The following CMSS1 variants were observed in gnomAD, a reference collection of about 807,000 sequenced individuals.
CMSS1 encodes cms1 ribosomal small subunit homolog.
A neutral mutation model predicts 43.5 loss-of-function variants in CMSS1; 33 were observed. The ratio of observed to expected loss-of-function variants is 0.76; its 90% CI spans 0.57 to 1.01. The LOEUF is 1.01. CMSS1 is among the 50% of genes least tolerant of loss of function. CMSS1 has a pLI of 0.00. For missense variants in CMSS1, 313 were observed against 326.4 expected (o/e 0.96, Z 0.32); for synonymous variants, 115 against 117.2 (o/e 0.98, Z 0.12).
In CMSS1 at chr3:100,178,616, G is replaced by A. The variant is rs764271933; in HGVS notation, c.*228G>A. 115 of 399,990 alleles carry A rather than the reference G, an allele frequency of 2.9e-4. No individual in the cohort carries two copies. The highest frequency in any genetic ancestry group is 4.1e-4 in the Non-Finnish European group (91 of 221,254). The allele number at this position is 399,990 out of a possible 1,614,324, so 24.8% of individuals were successfully genotyped here. A position where few individuals can be genotyped will look rare whatever the true frequency, so the allele number is the denominator to read the frequency against. The stretch of plus-strand genomic sequence containing the variant: ...GGCTTGTGTATGATCCTTGTTGAGC[G>A]GACCGTGTTTTTCTGTCACCAACTG... On this transcript the variant is annotated 3_prime_UTR_variant, in exon 10 of 10. Coordinates refer to ENST00000421999, the MANE Select transcript of CMSS1 (RefSeq NM_032359.4).
chr3:100,130,446 G>A (rs1043071711), intron 1 of CMSS1, among the ~76,000 whole-genome samples: 2 of 152,152 alleles, frequency 1.3e-5, no homozygotes, highest in South Asian at 2.1e-4. Context: ...CCATCTCATT[G>A]AGTGTTTTAG....
At chr3:99,932,192 C>T (rs910580421) in intron 1 of CMSS1, among the ~76,000 whole-genome samples, 1 of 152,166 alleles carries the variant, frequency 6.6e-6, no homozygotes, top group East Asian at 1.9e-4. Context: ...TCCCTTCCCA[C>T]TCCAGAAGTA....
intron 1 of CMSS1, among the ~76,000 whole-genome samples, chr3:99,903,502 G>T (rs181682802): frequency 6.6e-6 from 1 of 151,908 alleles, no homozygotes; most frequent in South Asian, 2.1e-4. Context: ...CACCTGCCTC[G>T]GCCTCCCAAA....
intron 1 of CMSS1, among the ~76,000 whole-genome samples, chr3:99,892,125 A>C (rs1706102143): frequency 6.6e-6 from 1 of 152,218 alleles, no homozygotes. Context: ...ATATCACTGG[A>C]GTCTCATTCC....
At chr3:100,067,008 A>C (rs936178909) in intron 1 of CMSS1, among the ~76,000 whole-genome samples, 2 of 152,184 alleles carry the variant, frequency 1.3e-5, no homozygotes, top group African/African-American at 4.8e-5. Flanking sequence ...ATATTGAGTG[A>C]GATTCCTCAG....
At chr3:99,918,557 C>G (rs1375085494) in intron 1 of CMSS1, among the ~76,000 whole-genome samples, 1 of 152,164 alleles carries the variant, frequency 6.6e-6, no homozygotes, top group Non-Finnish European at 1.5e-5. Flanking sequence ...GTAGCATTGT[C>G]ACTCTATCTG....
intron 1 of CMSS1, among the ~76,000 whole-genome samples, chr3:99,861,351 T>C (rs1559664171): frequency 5.3e-5 from 8 of 152,188 alleles, no homozygotes; most frequent in Admixed American, 4.6e-4. Flanking sequence ...TAGGGAGAAG[T>C]ATCCAAAAAG....
intron 1 of CMSS1, among the ~76,000 whole-genome samples, chr3:100,112,277 G>A (rs1012805139): frequency 4.6e-5 from 7 of 152,076 alleles, no homozygotes; most frequent in African/African-American, 1.7e-4. Flanking sequence ...TTTGCTTTAG[G>A]TTAGAACATA....
At chr3:99,925,961 G>A (rs769328500) in intron 1 of CMSS1, 6 of 824,470 alleles carry the variant, frequency 7.3e-6, no homozygotes, top group Non-Finnish European at 8.8e-6. Flanking sequence ...TCTTTTGCTA[G>A]TGATAAATTA....
intron 1 of CMSS1, among the ~76,000 whole-genome samples, chr3:99,977,817 G>T (rs751137360): frequency 1.5e-4 from 23 of 152,010 alleles, no homozygotes; most frequent in East Asian, 7.7e-4. Context: ...CTAAACCTAG[G>T]CAGTCATTTA....
At position 100,167,274 on chromosome 3, in the gene CMSS1, G is replaced by C. The variant is rs551003061; in HGVS notation, c.416-464G>C. On this transcript the variant is annotated intron_variant, in intron 5 of 9. Coordinates refer to ENST00000421999, the MANE Select transcript of CMSS1 (RefSeq NM_032359.4). ...TAGAATCAAACTCACTAGATTATGA[G>C]AACTAAAAAGAAAATGTATGTAAAG... 5.3e-5 allele frequency among the ~76,000 whole-genome samples: 8 copies of C among 152,170 alleles called. No individual in the cohort carries two copies. The South Asian group carries it at 1.7e-3, about 32-fold the overall frequency.
At chr3:99,840,497 C>T (rs1943087473) in intron 1 of CMSS1, among the ~76,000 whole-genome samples, 1 of 152,106 alleles carries the variant, frequency 6.6e-6, no homozygotes, top group African/African-American at 2.4e-5. Context: ...GCTGGGATTA[C>T]AGGCATGAGC....
chr3:100,137,358 C>A (rs2066764351), intron 1 of CMSS1, among the ~76,000 whole-genome samples: 1 of 152,062 alleles, frequency 6.6e-6, no homozygotes, highest in African/African-American at 2.4e-5. Context: ...AATAGAGCCA[C>A]AACATGATGA....
intron 1 of CMSS1, among the ~76,000 whole-genome samples, chr3:100,134,448 C>T (rs766713877): frequency 2.0e-5 from 3 of 152,200 alleles, no homozygotes; most frequent in East Asian, 1.9e-4. Context: ...ACAGGTGTTC[C>T]GCAGTGAGGG....
intron 1 of CMSS1, among the ~76,000 whole-genome samples, chr3:99,921,941 C>A (rs1311692576): frequency 6.6e-6 from 1 of 152,198 alleles, no homozygotes; most frequent in Admixed American, 6.5e-5. Flanking sequence ...TCTTTGCCAT[C>A]TGCCTCCCAA....
At chr3:100,176,266 A>C in intron 8 of CMSS1, 61 bp from the exon 9 acceptor site, 1 of 1,163,218 alleles carries the variant, frequency 8.6e-7, no homozygotes, top group Non-Finnish European at 1.3e-6. Flanking sequence ...ATAAAAAATC[A>C]TTTTAATAAG....
chr3:99,966,308 C>A (rs1442678337), intron 1 of CMSS1, among the ~76,000 whole-genome samples: 1 of 152,148 alleles, frequency 6.6e-6, no homozygotes, highest in East Asian at 1.9e-4. Flanking sequence ...GCAAAGCAGC[C>A]TCCACCACCA....
At chr3:100,071,088 CTCTTTTTTTTTTT>C (rs2065754312) in intron 1 of CMSS1, among the ~76,000 whole-genome samples, 1 of 70,804 alleles carries the variant, frequency 1.4e-5, no homozygotes, top group East Asian at 4.8e-4. Flanking sequence ...AAGCTACTCT[CTCTTTTTTTTTTT>C]TTTTTTTTTT....
At chr3:100,077,674 G>A (rs1380595959) in intron 1 of CMSS1, among the ~76,000 whole-genome samples, 1 of 152,150 alleles carries the variant, frequency 6.6e-6, no homozygotes, top group Non-Finnish European at 1.5e-5. Context: ...TATAATCACA[G>A]TGAGGTGGGA....
Sources: allele counts gnomAD v4.1 joint callset (sites outside exome capture counted in the v4.1 genomes callset), GRCh38; gene constraint gnomAD v4.1.1; transcripts MANE v1.5; gene names NCBI Gene and HGNC (gene_info 2026-07-23, HGNC 2026-07-21).